Variants in EFCC1 observed in about 807,000 individuals in gnomAD.
The protein encoded by EFCC1 is EF-hand and coiled-coil domain-containing protein 1.
A neutral mutation model predicts 52.1 loss-of-function variants in EFCC1; 50 were observed. The ratio of observed to expected loss-of-function variants is 0.96; its 90% confidence interval spans 0.76 to 1.21. The LOEUF (loss-of-function observed/expected upper bound fraction) is 1.21, where lower values mean the gene tolerates loss of function less well. EFCC1 is among the 50% of genes most tolerant of loss of function. EFCC1 has a pLI of 0.00. For missense variants in EFCC1, 837 were observed against 867.3 expected (o/e 0.97, Z 0.44); for synonymous variants, 399 against 396.5 (o/e 1.01, Z -0.08).
chr3:129,030,762 G>T lies in EFCC1; in HGVS notation c.1040G>T (p.Ser347Ile). 1.3e-6 allele frequency: 2 copies of T among 1,551,702 alleles called. No homozygotes were observed. Among genetic ancestry groups the T allele is most frequent in the Non-Finnish European group, 1.7e-6 (2 of 1,146,986 alleles). The change falls in exon 3 of 8, where the codon AGT (serine) becomes ATT (isoleucine). Residue 347 changes from serine to isoleucine, a missense_variant. Ser to Ile is a moderately radical substitution (Grantham distance 142, BLOSUM62 -2). Coordinates refer to ENST00000683648, the MANE Select transcript of EFCC1 (RefSeq NM_001377500.1). ...QLANPEPGDK[S>I]NEPEDAGTRD... ...GCCAACCCAGAGCCAGGAGACAAGA[G>T]TAATGAACCTGAAGATGCTGGGACC...
Position 129,002,137 on chromosome 3 carries a change from T to A in EFCC1, c.509T>A (p.Ile170Asn), listed in dbSNP as rs1944808168. 1.4e-6 allele frequency: 2 copies of A among 1,474,954 alleles called. No individual in the cohort carries two copies. The highest frequency in any genetic ancestry group is 1.8e-6 in the Non-Finnish European group (2 of 1,121,312). The allele number at this position is 1,474,954 out of a possible 1,614,324, so 91.4% of individuals were successfully genotyped here. The change falls in exon 1 of 8, where the codon ATC becomes AAC. Residue 170 changes from isoleucine (I) to asparagine (N), a missense_variant. Ile to Asn is a moderately radical substitution (Grantham distance 149, BLOSUM62 -3). Transcript: ENST00000683648. ...RLPRGALSEHIETQIRLRRPR... is the reference protein window; with the variant it reads ...RLPRGALSEHNETQIRLRRPR... ...CCCCGCGGCGCTCTCAGCGAGCACATCGAGACGCAGATCCGCCTGCGCCGT... is the reference window on the plus strand; with the variant it reads ...CCCCGCGGCGCTCTCAGCGAGCACAACGAGACGCAGATCCGCCTGCGCCGT...
rs115284404 is a variant in EFCC1, at chr3:129,001,380, C to T, written c.-249C>T. On this transcript the variant is annotated 5_prime_UTR_variant, in exon 1 of 8. Transcript: ENST00000683648. ...GGAGAAGCCAGACCCAGACGCCGAC[C>T]GGGCACTGGTGGCGCTGCCGGGGTC... Among the ~76,000 whole-genome samples the T allele has an allele frequency of 2.0e-5, 3 of 152,234 alleles. No individual in the cohort carries two copies. Among genetic ancestry groups the T allele is most frequent in the South Asian group, 2.1e-4 (1 of 4,830 alleles).
At position 129,002,265 on chromosome 3, in the gene EFCC1, T is replaced by C. The variant is rs978710475; in HGVS notation, c.637T>C (p.Leu213=). ...GGAGGAGAATAGCAGCTTGCGCGAG[T>C]TGGTGGAGGACCTGCGCGCCGCGCT... ...LEEENSSLRE[L]VEDLRAALQS... is the part of the protein sequence containing the mutation. The change falls in exon 1 of 8, where the codon TTG becomes CTG. Residue 213 remains leucine (L), a synonymous_variant. Coordinates refer to ENST00000683648, the MANE Select transcript of EFCC1 (RefSeq NM_001377500.1). 2 of 1,530,554 alleles carry C rather than the reference T, an allele frequency of 1.3e-6. No homozygotes were observed. The highest frequency in any genetic ancestry group is 1.7e-6 in the Non-Finnish European group (2 of 1,144,750). 94.8% of individuals were successfully genotyped at this position (1,530,554 alleles called of 1,614,324 possible). A position where few individuals can be genotyped will look rare whatever the true frequency, so the allele number is the denominator to read the frequency against.
intron 2 of EFCC1, among the ~76,000 whole-genome samples, chr3:129,029,701 C>T (rs1946229848): frequency 6.6e-6 from 1 of 151,534 alleles, no homozygotes; most frequent in Non-Finnish European, 1.5e-5. Flanking sequence ...TCTCCTGCCT[C>T]AGCCTCCCAA....
intron 3 of EFCC1, among the ~76,000 whole-genome samples, chr3:129,032,045 G>A (rs1180825587): frequency 2.6e-5 from 4 of 152,128 alleles, no homozygotes; most frequent in African/African-American, 9.7e-5. Flanking sequence ...AACACCAGGG[G>A]GCCACACAGA....
At position 129,040,536 on chromosome 3, in the gene EFCC1, G is replaced by C. The variant is rs988964244; in HGVS notation, c.*688G>C. The C allele has an allele frequency of 6.6e-6, 1 of 152,258 alleles. No homozygotes were observed. Among genetic ancestry groups the C allele is most frequent in the Non-Finnish European group, 1.5e-5 (1 of 68,076 alleles). 9.4% of individuals were successfully genotyped at this position (152,258 alleles called of 1,614,324 possible). A position where few individuals can be genotyped will look rare whatever the true frequency, so the allele number is the denominator to read the frequency against. ...GGGGGCCCCAGGAATGCAGTGCTTG[G>C]AGCCCCTGCTCCTGAACACGCATTA... On this transcript the variant is annotated 3_prime_UTR_variant, in exon 8 of 8. Coordinates refer to ENST00000683648, the MANE Select transcript of EFCC1 (RefSeq NM_001377500.1). This position sits in a 1 kb window ranked among gnomAD's most constrained non-coding sequence, Gnocchi z 4.4.
intron 2 of EFCC1, among the ~76,000 whole-genome samples, chr3:129,005,659 G>A (rs1035503675): frequency 6.6e-5 from 10 of 152,204 alleles, no homozygotes; most frequent in Admixed American, 2.6e-4. Context: ...GAGGAAGGTG[G>A]TCTAGCCCAG....
rs1184869186 is a variant in EFCC1, at chr3:129,010,173, GCCTTGAGGGGTCC to G, written c.980+6099_980+6111del. Among the ~76,000 whole-genome samples, 1 of 152,264 alleles carries G rather than the reference GCCTTGAGGGGTCC, an allele frequency of 6.6e-6. No homozygotes were observed. The highest frequency in any genetic ancestry group is 1.5e-5 in the Non-Finnish European group (1 of 68,052). ...CTAAGTGGTCCAGTGGCCTTGTCCT[GCCTTGAGGGGTCC>G]CCCTTCAGTCCTCAGTAGAAGGTCT... On this transcript the variant is annotated intron_variant, in intron 2 of 7. Transcript: ENST00000683648. The surrounding 1 kb of genome is among the most constrained non-coding windows in gnomAD (Gnocchi z 4.3).
intron 2 of EFCC1, among the ~76,000 whole-genome samples, chr3:129,011,855 G>T (rs1347948258): frequency 6.6e-6 from 1 of 152,106 alleles, no homozygotes; most frequent in Non-Finnish European, 1.5e-5. Flanking sequence ...CAGAGAGAGG[G>T]GCCTTGACTG....
Position 129,032,944 on chromosome 3 carries a change from C to A in EFCC1, c.1264C>A (p.Arg422=). The A allele has an allele frequency of 6.5e-7, 1 of 1,546,222 alleles. No individual in the cohort carries two copies. Among genetic ancestry groups the A allele is most frequent in the Non-Finnish European group, 8.7e-7 (1 of 1,144,016 alleles). Residue 422 remains arginine (R), a synonymous_variant, in exon 4 of 8, where the codon CGG becomes AGG. Coordinates refer to ENST00000683648, the MANE Select transcript of EFCC1 (RefSeq NM_001377500.1). ...AGCCGAGGCCAAGACACTGCTGGCC[C>A]GGCTCTCCAGCTGCAGAGGCAGGTG... ...PAAEAKTLLA[R]LSSCRGRCDD... is the part of the protein sequence containing the mutation.
At chr3:129,015,720 T>G (rs1027707190) in intron 2 of EFCC1, among the ~76,000 whole-genome samples, 2 of 152,158 alleles carry the variant, frequency 1.3e-5, no homozygotes, top group African/African-American at 4.8e-5. Context: ...AGAGGACCCC[T>G]GAGGACTGTC....
intron 3 of EFCC1, among the ~76,000 whole-genome samples, chr3:129,031,181 G>A (rs1012926635): frequency 1.3e-5 from 2 of 152,222 alleles, no homozygotes; most frequent in Non-Finnish European, 2.9e-5. Flanking sequence ...TGTGATCCCA[G>A]CACTTTGAGA....
intron 2 of EFCC1, among the ~76,000 whole-genome samples, chr3:129,004,459 CCATCTATT>C (rs1944977778): frequency 2.7e-5 from 4 of 147,230 alleles, no homozygotes; most frequent in African/African-American, 1.0e-4. Flanking sequence ...ACCCGTCCAT[CCATCTATT>C]CATCCATCCA....
intron 5 of EFCC1, among the ~76,000 whole-genome samples, chr3:129,036,189 T>G (rs532071419): frequency 6.6e-6 from 1 of 152,344 alleles, no homozygotes; most frequent in Non-Finnish European, 1.5e-5. Flanking sequence ...TCTAAGAATA[T>G]TTAAAGGAAA....
At position 129,014,579 on chromosome 3, in the gene EFCC1, C is replaced by T. The variant is rs1419701283; in HGVS notation, c.980+10502C>T. Among the ~76,000 whole-genome samples the T allele has an allele frequency of 6.6e-6, 1 of 152,210 alleles. No individual in the cohort carries two copies. The highest frequency in any genetic ancestry group is 2.4e-5 in the African/African-American group (1 of 41,460). ...AACTTGATTACCTCATTAAAGGTCC[C>T]ATCGCCAAATAAGATCACATTATGA... is the stretch of plus-strand genomic sequence containing the variant. On this transcript the variant is annotated intron_variant, in intron 2 of 7. Transcript: ENST00000683648. The surrounding 1 kb of genome is among the most constrained non-coding windows in gnomAD (Gnocchi z 4.3).
At chr3:129,029,584 G>C (rs1946225856) in intron 2 of EFCC1, among the ~76,000 whole-genome samples, 1 of 105,202 alleles carries the variant, frequency 9.5e-6, no homozygotes. Flanking sequence ...TTTGTTTTTT[G>C]GTTTTTTTTT....
chr3:129,008,039 G>A (rs1945151428), intron 2 of EFCC1, among the ~76,000 whole-genome samples: 1 of 152,238 alleles, frequency 6.6e-6, no homozygotes, highest in Non-Finnish European at 1.5e-5. Flanking sequence ...CATGATCCTT[G>A]AGAGTCACAC....
Position 129,001,870 on chromosome 3 carries a change from C to A in EFCC1, c.242C>A (p.Ala81Glu). 2.6e-6 allele frequency: 4 copies of A among 1,545,648 alleles called. No individual in the cohort carries two copies. The highest frequency in any genetic ancestry group is 2.6e-6 in the Non-Finnish European group (3 of 1,145,254). The change falls in exon 1 of 8, where the codon GCG (alanine) becomes GAG (glutamate). Residue 81 changes from alanine to glutamate, a missense_variant. Coordinates refer to ENST00000683648, the MANE Select transcript of EFCC1 (RefSeq NM_001377500.1). ...AGRLPRADFR[A>E]LCAVLGLRAE... ...CGTCTGCCCCGCGCCGACTTCCGAG[C>A]GCTCTGCGCTGTGCTGGGGCTGCGC... is the stretch of plus-strand genomic sequence containing the variant.
rs1225340986 is a variant in EFCC1, at chr3:129,001,978, T to C, written c.350T>C (p.Leu117Ser). Residue 117 changes from leucine (L) to serine (S), a missense_variant, in exon 1 of 8, where the codon TTG becomes TCG. Physicochemically the swap from Leu to Ser is moderately radical, Grantham distance 145. Transcript: ENST00000683648. ...ACCCCCGGGGATGCGGCCGCTGAGTTGGCCACGGACGGGGACTCAGATACC... is the reference window on the plus strand; with the variant it reads ...ACCCCCGGGGATGCGGCCGCTGAGTCGGCCACGGACGGGGACTCAGATACC... Reference protein sequence around the residue: ...DVTPGDAAAELATDGDSDTDE... With the variant: ...DVTPGDAAAESATDGDSDTDE... 1.9e-6 allele frequency: 3 copies of C among 1,544,982 alleles called. No individual in the cohort carries two copies. In the South Asian group the frequency reaches 3.6e-5, roughly 19 times the overall value.
Sources: allele counts gnomAD v4.1 joint callset (sites outside exome capture counted in the v4.1 genomes callset), GRCh38; gene constraint gnomAD v4.1.1; non-coding constraint Gnocchi (gnomAD v3.1); transcripts MANE v1.5; gene names NCBI Gene and HGNC (gene_info 2026-07-23, HGNC 2026-07-21).